The following ATG7 variants were observed in gnomAD, a reference collection of about 807,000 sequenced individuals.
ATG7 encodes the protein ubiquitin-like modifier-activating enzyme ATG7.
Under a neutral mutation model 82.4 loss-of-function variants are expected in ATG7, and 70 were observed. That is an observed-to-expected ratio of 0.85 (90% CI 0.70 to 1.04). The LOEUF (loss-of-function observed/expected upper bound fraction) is 1.04. ATG7 is among the 50% of genes least tolerant of loss of function. The pLI, the probability that ATG7 is intolerant of heterozygous loss-of-function variation, is 0.00. For missense variants in ATG7, 792 were observed against 864.3 expected, an observed-to-expected ratio of 0.92 and a Z score of 1.05; for synonymous variants, 287 against 313.0, an observed-to-expected ratio of 0.92 and a Z score of 0.88.
chr3:11,309,991 C>T (rs1479456604), intron 7 of ATG7, among the ~76,000 whole-genome samples: 4 of 151,988 alleles, frequency 2.6e-5, no homozygotes, highest in Admixed American at 6.6e-5. Context: ...CTGGGCAACA[C>T]CTTGTCACTT....
intron 20 of ATG7, among the ~76,000 whole-genome samples, chr3:11,501,725 TG>T (rs2091338025): frequency 6.6e-6 from 1 of 152,234 alleles, no homozygotes; most frequent in Non-Finnish European, 1.5e-5. Context: ...AGTCTCCCTC[TG>T]TTGCCCAGGC....
the ATG7 span, among the ~76,000 whole-genome samples, chr3:11,563,041 A>G: frequency 1.4e-4 from 22 of 152,320 alleles, no homozygotes; most frequent in Non-Finnish European, 2.8e-4. Flanking sequence ...TTGCAAAGCA[A>G]CTGTGACCGA....
chr3:11,442,418 C>T (rs1007780780), intron 20 of ATG7, among the ~76,000 whole-genome samples: 8 of 152,014 alleles, frequency 5.3e-5, no homozygotes, highest in African/African-American at 9.7e-5. Context: ...TAAATACAAA[C>T]GAACCAAATG....
intron 20 of ATG7, among the ~76,000 whole-genome samples, chr3:11,551,660 C>T (rs1368252406): frequency 6.6e-6 from 1 of 152,148 alleles, no homozygotes. Flanking sequence ...AAACTCCTGG[C>T]CTCAAGCAGT....
downstream of ATG7, chr3:11,558,845 G>C: frequency 6.2e-7 from 1 of 1,608,232 alleles, no homozygotes; most frequent in South Asian, 1.1e-5. Context: ...CAAGCAGGAA[G>C]GCAGGCAGTC....
intron 19 of ATG7, among the ~76,000 whole-genome samples, chr3:11,403,992 A>G (rs1576136236): frequency 6.6e-6 from 1 of 152,280 alleles, no homozygotes; most frequent in Non-Finnish European, 1.5e-5. Context: ...TTGTTGACAT[A>G]TCAATATTTA....
chr3:11,329,593 T>C (rs1489176944), intron 9 of ATG7, among the ~76,000 whole-genome samples: 1 of 152,204 alleles, frequency 6.6e-6, no homozygotes, highest in African/African-American at 2.4e-5. Flanking sequence ...GAAGGAGAGA[T>C]GAAAAAGATA....
chr3:11,301,276 C>T (rs1347037737), intron 5 of ATG7, among the ~76,000 whole-genome samples: 2 of 152,068 alleles, frequency 1.3e-5, no homozygotes, highest in African/African-American at 4.8e-5. Flanking sequence ...AGATGAGGGC[C>T]TTTAAGATTA....
chr3:11,407,891 G>A (rs2152908315), intron 19 of ATG7, among the ~76,000 whole-genome samples: 1 of 152,266 alleles, frequency 6.6e-6, no homozygotes, highest in Non-Finnish European at 1.5e-5. Context: ...GTAGTGGGAG[G>A]GGCTGCCACA....
chr3:11,323,773 C>T (rs371616859), intron 9 of ATG7, among the ~76,000 whole-genome samples: 34 of 152,336 alleles, frequency 2.2e-4, no homozygotes, highest in South Asian at 1.0e-3. Flanking sequence ...ACTTAGTGAT[C>T]TCTCCGCATC....
intron 20 of ATG7, among the ~76,000 whole-genome samples, chr3:11,473,791 T>G (rs958851645): frequency 1.3e-5 from 2 of 152,212 alleles, no homozygotes; most frequent in Non-Finnish European, 2.9e-5. Context: ...GACTTTATTT[T>G]TAAATGTAAC....
the ATG7 span, among the ~76,000 whole-genome samples, chr3:11,570,073 G>A: frequency 6.6e-6 from 1 of 151,952 alleles, no homozygotes; most frequent in Non-Finnish European, 1.5e-5. Flanking sequence ...ACCTTTACCT[G>A]CTGCCCCCTG....
At chr3:11,301,333 T>C (rs1435001404) in intron 5 of ATG7, among the ~76,000 whole-genome samples, 3 of 152,200 alleles carry the variant, frequency 2.0e-5, no homozygotes, top group Non-Finnish European at 4.4e-5. Flanking sequence ...TTATTGTACC[T>C]CAGCAGTATC....
chr3:11,339,939 A>G (rs1953248871), intron 11 of ATG7, among the ~76,000 whole-genome samples: 1 of 152,188 alleles, frequency 6.6e-6, no homozygotes, highest in Admixed American at 6.5e-5. Flanking sequence ...AGCATTTCCA[A>G]AGTCTGTTTA....
chr3:11,461,797 C>CG (rs1337175010), intron 20 of ATG7, among the ~76,000 whole-genome samples: 1 of 151,882 alleles, frequency 6.6e-6, no homozygotes, highest in Non-Finnish European at 1.5e-5. Context: ...GAGGCCGAAG[C>CG]GGGCGGATCA....
chr3:11,321,422 C>CAT (rs1553612295), intron 9 of ATG7, among the ~76,000 whole-genome samples: 8 of 151,984 alleles, frequency 5.3e-5, no homozygotes, highest in Non-Finnish European at 7.4e-5. Flanking sequence ...CAGTTTTGAC[C>CAT]GTGACCAGCA....
intron 20 of ATG7, among the ~76,000 whole-genome samples, chr3:11,518,405 G>A (rs1001631580): frequency 1.3e-5 from 2 of 152,186 alleles, no homozygotes; most frequent in Admixed American, 6.5e-5. Context: ...AAATTAGCTG[G>A]GCGTGGTGGC....
rs1034583244 is a variant in ATG7 at position 11,423,887 on chromosome 3, C to G, written c.1957-2917C>G. 3.9e-5 allele frequency among the ~76,000 whole-genome samples: 6 copies of G among 152,110 alleles called. No homozygotes were observed. The East Asian group carries it at 5.8e-4, about 15-fold the overall frequency. Reference sequence around the variant, plus strand: ...CTTGGCTTAGATGGGTTCTTAATTTCTTTTCTCCCCAAATTTGTATTTTTC... The same window carrying G: ...CTTGGCTTAGATGGGTTCTTAATTTGTTTTCTCCCCAAATTTGTATTTTTC... On this transcript the variant is annotated intron_variant, in intron 19 of 20. Transcript: ENST00000693202.
intron 19 of ATG7, among the ~76,000 whole-genome samples, chr3:11,411,401 G>A (rs746532092): frequency 1.3e-5 from 2 of 151,890 alleles, no homozygotes; most frequent in Non-Finnish European, 2.9e-5. Flanking sequence ...CAAGGTGGGC[G>A]GATCATGAGG....
Sources: allele counts gnomAD v4.1 joint callset (sites outside exome capture counted in the v4.1 genomes callset), GRCh38; gene constraint gnomAD v4.1.1; transcripts MANE v1.5; gene names NCBI Gene and HGNC (gene_info 2026-07-23, HGNC 2026-07-21).